The following CRACD variants were observed in gnomAD, a reference collection of about 807,000 sequenced individuals.
CRACD encodes the protein capping protein-inhibiting regulator of actin dynamics.
A neutral mutation model predicts 106.8 loss-of-function variants in CRACD; 56 were observed. The ratio of observed to expected loss-of-function variants is 0.52; its 90% confidence interval spans 0.42 to 0.66. The LOEUF (loss-of-function observed/expected upper bound fraction) is 0.66. Ranked by LOEUF, CRACD falls within the 30% of genes least tolerant of loss-of-function variation. The pLI is 0.00. For missense variants in CRACD, 1,730 were observed against 1,623.2 expected, an observed-to-expected ratio of 1.07 and a Z score of -1.13; for synonymous variants, 754 against 670.8, an observed-to-expected ratio of 1.12 and a Z score of -1.92.
intron 1 of CRACD, among the ~76,000 whole-genome samples, chr4:56,102,927 G>T (rs1314198055): frequency 1.3e-5 from 2 of 152,082 alleles, no homozygotes; most frequent in Non-Finnish European, 2.9e-5. Flanking sequence ...AGCCTTTCTG[G>T]ACTCCCCTAC....
chr4:56,314,182 A>G lies in CRACD; in HGVS notation c.680A>G (p.Tyr227Cys). ...SEEERRRQED[Y>C]WRELEAKCKR... ...GAAGAGAGAAGACGCCAAGAAGACT[A>G]CTGGCGAGAACTGGAGGCCAAGTGC... Residue 227 changes from tyrosine to cysteine, a missense_variant, in exon 8 of 11, where the codon TAC becomes TGC. Physicochemically the swap from Tyr to Cys is radical, Grantham distance 194. Around this residue, in one of 5 missense-constraint regions of CRACD, gnomAD observed 1,620 missense variants for 1,481.6 expected, o/e 1.09. Transcript: ENST00000682029. The surrounding 1 kb of genome is among the most constrained non-coding windows in gnomAD (Gnocchi z 4.4). 5 of 1,612,916 alleles carry G rather than the reference A, an allele frequency of 3.1e-6. No individual in the cohort carries two copies. Among genetic ancestry groups the G allele is most frequent in the Non-Finnish European group, 3.4e-6 (4 of 1,179,462 alleles).
At chr4:56,147,719 G>A (rs543498011) in intron 1 of CRACD, among the ~76,000 whole-genome samples, 1 of 152,274 alleles carries the variant, frequency 6.6e-6, no homozygotes, top group South Asian at 2.1e-4. Context: ...TTGGCAGACT[G>A]TTTTCCAAAG....
At chr4:56,090,283 G>A (rs1020070850) in intron 1 of CRACD, among the ~76,000 whole-genome samples, 1 of 152,122 alleles carries the variant, frequency 6.6e-6, no homozygotes, top group Non-Finnish European at 1.5e-5. Flanking sequence ...CTGCACTGGG[G>A]TCGTCTGCCT....
intron 4 of CRACD, 25 bp from the exon 5 acceptor site, chr4:56,307,510 A>G: frequency 6.2e-7 from 1 of 1,612,836 alleles, no homozygotes; most frequent in Non-Finnish European, 8.5e-7. Flanking sequence ...CTGCTTCAGA[A>G]TGTCTTTCTT....
chr4:56,086,182 A>G (rs894209357), intron 1 of CRACD, among the ~76,000 whole-genome samples: 1 of 152,182 alleles, frequency 6.6e-6, no homozygotes, highest in Non-Finnish European at 1.5e-5. Context: ...AAGCAGGCAG[A>G]GCCCAGCAAC....
At chr4:56,160,184 G>A (rs67746303) in intron 1 of CRACD, among the ~76,000 whole-genome samples, 1,479 of 60,610 alleles carry the variant, frequency 0.024, 11 homozygotes, top group African/African-American at 0.044. Flanking sequence ...CCCATATTTT[G>A]ATTTTTTTTT....
chr4:56,207,049 C>T (rs980026927), intron 2 of CRACD, among the ~76,000 whole-genome samples: 1 of 152,118 alleles, frequency 6.6e-6, no homozygotes, highest in Non-Finnish European at 1.5e-5. Flanking sequence ...GCCAGGGTCC[C>T]CTTGAACTAA....
rs574304900 is a variant in CRACD, at chr4:56,330,048, C to T, written c.*2244C>T. 1.3e-5 allele frequency among the ~76,000 whole-genome samples: 2 copies of T among 152,222 alleles called. No individual in the cohort carries two copies. Among genetic ancestry groups the T allele is most frequent in the African/African-American group, 2.4e-5 (1 of 41,528 alleles). ...TGTTTAACATTTCATTTCAAAATCA[C>T]CCCAAATTTGCACTAAATACCAATG... On this transcript the variant is annotated 3_prime_UTR_variant, in exon 11 of 11. Transcript: ENST00000682029.
intron 1 of CRACD, among the ~76,000 whole-genome samples, chr4:56,115,301 C>T (rs913739898): frequency 8.5e-5 from 13 of 152,158 alleles, no homozygotes; most frequent in African/African-American, 2.9e-4. Context: ...AATTTTGCCT[C>T]TTTTAAAAAT....
intron 1 of CRACD, among the ~76,000 whole-genome samples, chr4:56,088,818 C>T (rs1007480327): frequency 6.6e-6 from 1 of 152,086 alleles, no homozygotes; most frequent in Non-Finnish European, 1.5e-5. Context: ...CTCTGCCTCC[C>T]GGGTTCAAGC....
chr4:56,149,682 G>T (rs759865997), intron 1 of CRACD, among the ~76,000 whole-genome samples: 38 of 152,152 alleles, frequency 2.5e-4, no homozygotes, highest in Non-Finnish European at 4.6e-4. Context: ...ATAGAACTTT[G>T]TCAAGTACAA....
intron 3 of CRACD, among the ~76,000 whole-genome samples, chr4:56,286,525 C>CAAAAA (rs61498428): frequency 2.7e-4 from 24 of 89,362 alleles, no homozygotes; most frequent in East Asian, 1.3e-3. Context: ...GACTCCGTCT[C>CAAAAA]AAAAAAAAAA....
At chr4:56,061,262 C>A (rs991010056) in intron 1 of CRACD, among the ~76,000 whole-genome samples, 1 of 152,150 alleles carries the variant, frequency 6.6e-6, no homozygotes, top group Non-Finnish European at 1.5e-5. Flanking sequence ...CCTCGACCTC[C>A]GGGGCTCAAA....
intron 2 of CRACD, among the ~76,000 whole-genome samples, chr4:56,219,598 T>G (rs1263258248): frequency 1.3e-5 from 2 of 152,198 alleles, no homozygotes; most frequent in Non-Finnish European, 2.9e-5. Flanking sequence ...AACAGTCAAA[T>G]TGTTATTTCA....
At chr4:56,216,758 A>ATCATGAGG (rs1387948511) in intron 2 of CRACD, among the ~76,000 whole-genome samples, 2 of 151,966 alleles carry the variant, frequency 1.3e-5, no homozygotes, top group African/African-American at 4.8e-5. Context: ...AGGCGGGTGG[A>ATCATGAGG]TCATGAGGTC....
chr4:56,087,860 C>T (rs1733282376), intron 1 of CRACD, among the ~76,000 whole-genome samples: 1 of 152,138 alleles, frequency 6.6e-6, no homozygotes, highest in Non-Finnish European at 1.5e-5. Context: ...TGTGTCATCA[C>T]TCTTTCTTCT....
At chr4:56,098,884 A>G (rs1733684287) in intron 1 of CRACD, among the ~76,000 whole-genome samples, 1 of 152,164 alleles carries the variant, frequency 6.6e-6, no homozygotes, top group African/African-American at 2.4e-5. Context: ...CATATTGGCC[A>G]GGCTGGTCTT....
chr4:56,091,364 C>G (rs900941433), intron 1 of CRACD, among the ~76,000 whole-genome samples: 5 of 146,724 alleles, frequency 3.4e-5, no homozygotes, highest in Non-Finnish European at 7.5e-5. Flanking sequence ...CAGAGTAGTT[C>G]TTTTTTTTTT....
chr4:56,281,349 G>T (rs2015194), intron 3 of CRACD, among the ~76,000 whole-genome samples: 1 of 151,800 alleles, frequency 6.6e-6, no homozygotes, highest in African/African-American at 2.4e-5. Context: ...CATCTTCCCA[G>T]CCCCGTCCAT....
Sources: gnomAD v4.1 joint callset for allele counts (sites outside exome capture counted in the v4.1 genomes callset) on GRCh38, gnomAD v4.1.1 for gene constraint, gnomAD v4.1.1 regional missense constraint, Gnocchi (gnomAD v3.1) non-coding constraint, MANE v1.5 for transcripts, NCBI Gene and HGNC (gene_info 2026-07-23, HGNC 2026-07-21) for gene names.